VSNL1: variants seen among roughly 807,000 people sequenced by gnomAD.
VSNL1 encodes visinin-like protein 1.
VSNL1 carries 6 observed loss-of-function variants against 20.4 expected under a neutral mutation model. The ratio of observed to expected loss-of-function variants is 0.29; its 90% CI spans 0.16 to 0.58. The LOEUF is 0.58. Ranked by LOEUF, VSNL1 falls within the 20% of genes least tolerant of loss-of-function variation. The probability of loss-of-function intolerance (pLI) is 0.90; values close to 1 mark genes in which losing one functional copy is unlikely to be tolerated. For missense variants in VSNL1, 100 were observed against 234.5 expected (o/e 0.43, Z 3.75); for synonymous variants, 93 against 86.4 (o/e 1.08, Z -0.42).
chr2:17,594,095 C>T (rs1347585639), intron 2 of VSNL1, among the ~76,000 whole-genome samples: 2 of 152,198 alleles, frequency 1.3e-5, no homozygotes, highest in African/African-American at 4.8e-5. Context: ...TTTATTTACA[C>T]ACTGGAAGTA....
chr2:17,573,845 AG>A (rs1664138320), intron 1 of VSNL1, among the ~76,000 whole-genome samples: 1 of 152,224 alleles, frequency 6.6e-6, no homozygotes, highest in African/African-American at 2.4e-5. Flanking sequence ...ACTTAGAGAA[AG>A]CTTGTGTCTT....
intron 2 of VSNL1, among the ~76,000 whole-genome samples, chr2:17,607,866 T>C (rs1305410185): frequency 6.6e-6 from 1 of 152,186 alleles, no homozygotes; most frequent in Non-Finnish European, 1.5e-5. Flanking sequence ...GCTACAGAGA[T>C]TCTCAATGAA....
At chr2:17,590,043 T>C (rs1242887384) in intron 1 of VSNL1, among the ~76,000 whole-genome samples, 1 of 152,220 alleles carries the variant, frequency 6.6e-6, no homozygotes, top group East Asian at 1.9e-4. Context: ...AGCTCCGCCA[T>C]GCATTAATTG....
chr2:17,636,595 C>T (rs1475722944), intron 2 of VSNL1, among the ~76,000 whole-genome samples: 1 of 152,160 alleles, frequency 6.6e-6, no homozygotes, highest in Non-Finnish European at 1.5e-5. Context: ...GTACCTGCTT[C>T]AAAGACTTAG....
At chr2:17,549,874 A>G (rs1360961142) in intron 1 of VSNL1, among the ~76,000 whole-genome samples, 1 of 152,236 alleles carries the variant, frequency 6.6e-6, no homozygotes, top group Non-Finnish European at 1.5e-5. Context: ...CTCAGTTAGA[A>G]AAACTGCTTT....
chr2:17,598,192 C>T (rs896323364), intron 2 of VSNL1, among the ~76,000 whole-genome samples: 1 of 152,076 alleles, frequency 6.6e-6, no homozygotes, highest in Non-Finnish European at 1.5e-5. Context: ...AAACCTACTA[C>T]GTGGAATAAA....
At position 17,608,825 on chromosome 2, in the gene VSNL1, T is replaced by G. The variant is rs1054903360; in HGVS notation, c.162+16589T>G. Among the ~76,000 whole-genome samples the G allele has an allele frequency of 2.0e-5, 3 of 152,226 alleles. No homozygotes were observed. In the East Asian group the frequency reaches 5.8e-4, roughly 29 times the overall value. The stretch of plus-strand genomic sequence containing the variant: ...TTCCAAGCTGTCATAGATGTCCCAT[T>G]ATTTTGTGTTAGGGATGTATGTTAA... On this transcript the variant is annotated intron_variant, in intron 2 of 3. Coordinates refer to ENST00000295156, the MANE Select transcript of VSNL1 (RefSeq NM_003385.5).
intron 1 of VSNL1, among the ~76,000 whole-genome samples, chr2:17,570,003 C>T (rs544427257): frequency 3.9e-5 from 6 of 152,196 alleles, no homozygotes; most frequent in African/African-American, 1.4e-4. Flanking sequence ...TTGGAATATT[C>T]GATGAAGGAT....
At chr2:17,562,016 G>T (rs545351742) in intron 1 of VSNL1, among the ~76,000 whole-genome samples, 1 of 152,162 alleles carries the variant, frequency 6.6e-6, no homozygotes, top group Non-Finnish European at 1.5e-5. Flanking sequence ...AATGCCCCCA[G>T]ACTACTGAAT....
chr2:17,628,826 C>T (rs1665569461), intron 2 of VSNL1, among the ~76,000 whole-genome samples: 1 of 152,216 alleles, frequency 6.6e-6, no homozygotes, highest in Non-Finnish European at 1.5e-5. Flanking sequence ...GGAGGCAGGG[C>T]TCCAAGGAGG....
intron 1 of VSNL1, among the ~76,000 whole-genome samples, chr2:17,588,995 C>A (rs551428984): frequency 2.2e-4 from 34 of 152,114 alleles, no homozygotes; most frequent in Non-Finnish European, 4.1e-4. Context: ...AATAACAATC[C>A]AGTAGAGAAA....
chr2:17,637,127 C>A (rs1469935870), intron 2 of VSNL1, among the ~76,000 whole-genome samples: 1 of 152,190 alleles, frequency 6.6e-6, no homozygotes, highest in Non-Finnish European at 1.5e-5. Flanking sequence ...CCCCTCCCTT[C>A]CCCTTCCCAC....
chr2:17,655,274 C>T lies in VSNL1; in HGVS notation c.456C>T (p.Asp152=). The part of the protein sequence containing the change: ...EDGLTPEQRV[D]KIFSKMDKNK... ...GCCTGACGCCTGAGCAGCGAGTAGACAAGATTTTCAGCAAGATGGATAAGA... is the reference window on the plus strand; with the variant it reads ...GCCTGACGCCTGAGCAGCGAGTAGATAAGATTTTCAGCAAGATGGATAAGA... The change falls in exon 4 of 4, where the codon GAC becomes GAT. Residue 152 remains aspartate (D), a synonymous_variant. Coordinates refer to ENST00000295156, the MANE Select transcript of VSNL1 (RefSeq NM_003385.5). The surrounding 1 kb of genome is among the most constrained non-coding windows in gnomAD (Gnocchi z 5.2). 4 of 1,614,088 alleles carry T rather than the reference C, an allele frequency of 2.5e-6. No homozygotes were observed. The highest frequency in any genetic ancestry group is 3.4e-6 in the Non-Finnish European group (4 of 1,180,028).
chr2:17,602,746 A>G (rs1256013442), intron 2 of VSNL1, among the ~76,000 whole-genome samples: 1 of 144,960 alleles, frequency 6.9e-6, no homozygotes, highest in Non-Finnish European at 1.6e-5. Context: ...TCTCAAAAAC[A>G]TAAATATAAA....
chr2:17,626,061 C>T (rs925308518), intron 2 of VSNL1, among the ~76,000 whole-genome samples: 6 of 151,890 alleles, frequency 4.0e-5, no homozygotes, highest in African/African-American at 1.5e-4. Context: ...TCAAGTGATC[C>T]GCCCGCCTCA....
chr2:17,546,005 C>T (rs1032898018), intron 1 of VSNL1: 4 of 151,936 alleles, frequency 2.6e-5, no homozygotes, highest in African/African-American at 7.2e-5. Flanking sequence ...ATTCCAAGGA[C>T]TTACTGGATT....
At chr2:17,587,348 AAC>A (rs67537461) in intron 1 of VSNL1, among the ~76,000 whole-genome samples, 34,524 of 134,186 alleles carry the variant, frequency 0.26, 4,959 homozygotes, top group East Asian at 0.65. Context: ...GGCTGAGGGC[AAC>A]ACACACACAC....
intron 2 of VSNL1, among the ~76,000 whole-genome samples, chr2:17,611,193 T>C (rs1665076361): frequency 6.6e-6 from 1 of 152,250 alleles, no homozygotes. Context: ...AACAGCCTTC[T>C]GCCCTAGATA....
chr2:17,632,853 G>A (rs1665667945), intron 2 of VSNL1, among the ~76,000 whole-genome samples: 3 of 152,136 alleles, frequency 2.0e-5, no homozygotes, highest in Non-Finnish European at 2.9e-5. Flanking sequence ...GGATGATTTG[G>A]TATTAAAAGT....
Sources: gnomAD v4.1 joint callset for allele counts (sites outside exome capture counted in the v4.1 genomes callset) on GRCh38, gnomAD v4.1.1 for gene constraint, Gnocchi (gnomAD v3.1) non-coding constraint, MANE v1.5 for transcripts, NCBI Gene and HGNC (gene_info 2026-07-23, HGNC 2026-07-21) for gene names.